Variants in ZNF584 observed in about 807,000 individuals in gnomAD.
ZNF584 encodes the protein zinc finger protein 584.
ZNF584 carries 12 observed loss-of-function variants against 14.7 expected under a neutral mutation model. The ratio of observed to expected loss-of-function variants is 0.82; its 90% CI spans 0.52 to 1.32. ZNF584 has a LOEUF of 1.32. Ranked by LOEUF, ZNF584 falls within the 40% of genes most tolerant of loss-of-function variation. The pLI, the probability that ZNF584 is intolerant of heterozygous loss-of-function variation, is 0.00. For missense variants in ZNF584, 478 were observed against 518.8 expected (o/e 0.92, Z 0.76); for synonymous variants, 204 against 190.9 (o/e 1.07, Z -0.57).
rs79708639 is a variant in ZNF584 at position 58,417,943 on chromosome 19, A to G, written c.*159A>G. 3.2e-3 allele frequency: 2,686 copies of G among 843,660 alleles called. 42 individuals carry two copies. The African/African-American group carries it at 0.038, about 12-fold the overall frequency. The allele number at this position is 843,660 out of a possible 1,614,324, so 52.3% of individuals were successfully genotyped here. A position where few individuals can be genotyped will look rare whatever the true frequency, so the allele number is the denominator to read the frequency against. On this transcript the variant is annotated 3_prime_UTR_variant, in exon 4 of 4. Coordinates refer to ENST00000306910, the MANE Select transcript of ZNF584 (RefSeq NM_173548.3). ...TGTGTGGGACGCTTTCGGGAGCCACATTGCACTCTGACTTGCCTGGGGCTG... is the reference window on the plus strand; with the variant it reads ...TGTGTGGGACGCTTTCGGGAGCCACGTTGCACTCTGACTTGCCTGGGGCTG...
rs1401208894 is a variant in ZNF584, at chr19:58,415,607, CCA to C, written c.254_255del (p.Pro85ArgfsTer13). The part of the protein sequence containing the change: ...SWVPSWVDVT[P>X]VSRAEARRGF... ...GGTGCCCAGCTGGGTGGATGTGACT[CCA>C]GTCAGCAGAGCAGAAGCCAGGAGAG... On this transcript the variant is annotated frameshift_variant, in exon 3 of 4. Transcript: ENST00000306910. LOFTEE classifies it low-confidence loss of function (END_TRUNC). The C allele has an allele frequency of 1.2e-6, 2 of 1,613,980 alleles. No homozygotes were observed. Among genetic ancestry groups the C allele is most frequent in the Non-Finnish European group, 1.7e-6 (2 of 1,180,020 alleles).
chr19:58,415,097 G>A (rs1260850058), intron 2 of ZNF584, among the ~76,000 whole-genome samples: 2 of 151,906 alleles, frequency 1.3e-5, no homozygotes, highest in South Asian at 2.1e-4. Context: ...GTTTCACCGT[G>A]TTAGCCAGGA....
upstream of ZNF584, chr19:58,404,785 G>C (rs1444867065): frequency 5.3e-5 from 10 of 187,890 alleles, no homozygotes; most frequent in Non-Finnish European, 1.1e-4. Context: ...GGGCAGAGGG[G>C]CTCCTCATTT....
intron 3 of ZNF584, chr19:58,416,106 C>G: frequency 1.4e-6 from 1 of 703,804 alleles, no homozygotes; most frequent in Non-Finnish European, 2.3e-6. Context: ...GAGACCCCAC[C>G]TCTCTTCCCT....
chr19:58,410,633 G>GTA (rs1568584751), intron 2 of ZNF584, among the ~76,000 whole-genome samples: 1 of 19,056 alleles, frequency 5.2e-5, no homozygotes, highest in African/African-American at 3.6e-4. Context: ...GTGTATATAT[G>GTA]TGTATATATA....
chr19:58,415,466 GA>G, intron 2 of ZNF584, 57 bp from the exon 3 acceptor site: 1 of 1,574,580 alleles, frequency 6.4e-7, no homozygotes, highest in Non-Finnish European at 8.7e-7. Context: ...AAAGTGCTGG[GA>G]TTACAGGCAT....
At position 58,409,016 on chromosome 19, in the gene ZNF584, T is replaced by A. The variant is rs772364519; in HGVS notation, c.-132T>A. On this transcript the variant is annotated 5_prime_UTR_variant, in exon 1 of 4. Coordinates refer to ENST00000306910, the MANE Select transcript of ZNF584 (RefSeq NM_173548.3). ...AGCGGCTCCGGGAAGCGGTTCCCTG[T>A]CTTCGGACGCATTTCACCCGCGCGG... The A allele has an allele frequency of 7.5e-6, 9 of 1,203,342 alleles. No individual in the cohort carries two copies. Among genetic ancestry groups the A allele is most frequent in the South Asian group, 1.7e-5 (1 of 58,352 alleles). The allele number at this position is 1,203,342 out of a possible 1,614,324, so 74.5% of individuals were successfully genotyped here.
chr19:58,402,677 C>T (rs1012872025), intron 1 of ZNF584, among the ~76,000 whole-genome samples: 1 of 151,974 alleles, frequency 6.6e-6, no homozygotes, highest in African/African-American at 2.4e-5. Context: ...ACAAAATTAG[C>T]TGGGCGTGGT....
upstream of ZNF584, chr19:58,408,569 TG>T (rs1423518954): frequency 2.0e-5 from 3 of 152,390 alleles, no homozygotes; most frequent in African/African-American, 7.2e-5. Context: ...TGGCCAAGTC[TG>T]AACGGCCCCA....
rs1568587966 is a variant in ZNF584 at position 58,415,591 on chromosome 19, C to G, written c.237C>G (p.Ser79Arg). ...LEDDEQSWVPSWVDVTPVSRA... is the reference protein window; with the variant it reads ...LEDDEQSWVPRWVDVTPVSRA... ...ATGATGAACAGTCGTGGGTGCCCAG[C>G]TGGGTGGATGTGACTCCAGTCAGCA... The change falls in exon 3 of 4, where the codon AGC becomes AGG. Residue 79 changes from serine to arginine, a missense_variant. Transcript: ENST00000306910. The G allele has an allele frequency of 1.9e-6, 3 of 1,614,138 alleles. No individual in the cohort carries two copies. Among genetic ancestry groups the G allele is most frequent in the Non-Finnish European group, 2.5e-6 (3 of 1,180,010 alleles).
intron 2 of ZNF584, among the ~76,000 whole-genome samples, chr19:58,410,539 A>AATTTTTT: frequency 1.3e-4 from 5 of 38,698 alleles, no homozygotes; most frequent in East Asian, 5.1e-4. Context: ...ATATATATAT[A>AATTTTTT]TATATATATA....
At position 58,408,897 on chromosome 19, in the gene ZNF584, G is replaced by C. The variant is rs906342012; in HGVS notation, c.-251G>C. On this transcript the variant is annotated 5_prime_UTR_variant, in exon 1 of 4. Transcript: ENST00000306910. ...ACCTTTGCCGCGCCTTCCACGCGCC[G>C]TGCCCCACCGGCGAGTGGCTCCATC... The C allele has an allele frequency of 2.4e-6, 1 of 413,516 alleles. No individual in the cohort carries two copies. Among genetic ancestry groups the C allele is most frequent in the East Asian group, 3.7e-5 (1 of 27,378 alleles). 25.6% of individuals were successfully genotyped at this position (413,516 alleles called of 1,614,324 possible).
Position 58,417,196 on chromosome 19 carries a change from G to T in ZNF584, c.678G>T (p.Pro226=), listed in dbSNP as rs759976447. The change falls in exon 4 of 4, where the codon CCG becomes CCT. Residue 226 remains proline (P), a synonymous_variant. Transcript: ENST00000306910. ...CNECGKAFSY[P]SKLRKHQKVH... ...AATGTGGGAAGGCCTTCAGTTACCC[G>T]TCTAAGCTGAGGAAACACCAGAAGG... 6.2e-7 allele frequency: 1 copy of T among 1,613,832 alleles called. No individual in the cohort carries two copies. The highest frequency in any genetic ancestry group is 8.5e-7 in the Non-Finnish European group (1 of 1,179,888).
In ZNF584 at chr19:58,402,839, A is replaced by AG. The variant is rs1343524141; in HGVS notation, n.92+1177_92+1178insG. On this transcript the variant is annotated intron_variant and non_coding_transcript_variant, in intron 1 of 3. Transcript: ENST00000594993. ...AACTGCGTCTCAAAAAAAAAAAAAAAAAAAAAAAAAGGCCGTAGGTCTGAA... is the reference window on the plus strand; with the variant it reads ...AACTGCGTCTCAAAAAAAAAAAAAAAGAAAAAAAAAAGGCCGTAGGTCTGAA... 5.9e-5 allele frequency among the ~76,000 whole-genome samples: 9 copies of AG among 151,636 alleles called. No individual in the cohort carries two copies. In the South Asian group the frequency reaches 1.7e-3, roughly 28 times the overall value.
chr19:58,406,070 G>T, upstream of ZNF584: 2 of 164,380 alleles, frequency 1.2e-5, no homozygotes, highest in Non-Finnish European at 1.3e-5. Flanking sequence ...AGCACTGAAT[G>T]AACGAGACTC....
At chr19:58,413,959 C>T (rs1188692316) in intron 2 of ZNF584, among the ~76,000 whole-genome samples, 3 of 151,548 alleles carry the variant, frequency 2.0e-5, no homozygotes, top group African/African-American at 4.8e-5. Context: ...TCTGGGATTA[C>T]AGGCGCCCAC....
At chr19:58,415,389 G>T (rs1224598106) in intron 2 of ZNF584, 135 bp from the exon 3 acceptor site, 2 of 876,414 alleles carry the variant, frequency 2.3e-6, no homozygotes, top group South Asian at 3.4e-5. Flanking sequence ...GTAGAGTTGG[G>T]GTCTTACTGT....
chr19:58,412,485 A>T (rs928227334), intron 2 of ZNF584, among the ~76,000 whole-genome samples: 1 of 151,836 alleles, frequency 6.6e-6, no homozygotes, highest in African/African-American at 2.4e-5. Context: ...CTGGGATTAC[A>T]GGCGTGAGCC....
At chr19:58,412,499 A>G (rs10417104) in intron 2 of ZNF584, among the ~76,000 whole-genome samples, 74,325 of 151,424 alleles carry the variant, frequency 0.49, 18,532 homozygotes, top group African/African-American at 0.57. Context: ...GTGAGCCACC[A>G]CGCCCGGCCT....
Sources: gnomAD v4.1 joint callset for allele counts (sites outside exome capture counted in the v4.1 genomes callset) on GRCh38, gnomAD v4.1.1 for gene constraint, MANE v1.5 for transcripts, NCBI Gene and HGNC (gene_info 2026-07-23, HGNC 2026-07-21) for gene names.